The following OR11A1 variants were observed in gnomAD, a reference collection of about 807,000 sequenced individuals.
OR11A1 encodes olfactory receptor family 11 subfamily A member 1, also known as olfactory receptor 11A1.
For synonymous variants in OR11A1, 158 were observed against 152.2 expected (o/e 1.04, Z -0.28); for missense variants, 380 against 378.2 (o/e 1.00, Z -0.04).
At chr6:29,436,558 T>C (rs73398943) in intron 1 of OR11A1, among the ~76,000 whole-genome samples, 7,715 of 152,254 alleles carry the variant, frequency 0.051, 382 homozygotes, top group African/African-American at 0.12. Flanking sequence ...GACAAAAATG[T>C]GACCAAAAAC....
At chr6:29,435,726 G>C (rs544948969) in intron 1 of OR11A1, among the ~76,000 whole-genome samples, 1 of 152,148 alleles carries the variant, frequency 6.6e-6, no homozygotes, top group African/African-American at 2.4e-5. Context: ...GCTCTTTGTG[G>C]TTTCTGTTAG....
At chr6:29,444,174 T>C (rs1435438125) in intron 1 of OR11A1, among the ~76,000 whole-genome samples, 1 of 152,082 alleles carries the variant, frequency 6.6e-6, no homozygotes, top group East Asian at 1.9e-4. Flanking sequence ...TCTCACATGA[T>C]CTGATGGTTT....
At position 29,427,541 on chromosome 6, in the gene OR11A1, G is replaced by A. The variant is rs750346136; in HGVS notation, c.101C>T (p.Thr34Ile). The A allele has an allele frequency of 6.2e-7, 1 of 1,613,060 alleles. No homozygotes were observed. The change falls in exon 5 of 5, where the codon ACT becomes ATT. Residue 34 changes from threonine (T) to isoleucine (I), a missense_variant. Thr to Ile is a moderately conservative substitution (Grantham distance 89). Coordinates refer to ENST00000377149, the MANE Select transcript of OR11A1 (RefSeq NM_001394828.1). ...ELHFLFFIVF[T>I]AVYVFIIIGN... The stretch of plus-strand genomic sequence containing the variant: ...TATGATGATGAAGACATAGACAGCA[G>A]TGAATACAATAAAAAACAAGAAATG...
chr6:29,454,633 T>C (rs1785834138), intron 1 of OR11A1, among the ~76,000 whole-genome samples: 1 of 152,182 alleles, frequency 6.6e-6, no homozygotes, highest in African/African-American at 2.4e-5. Flanking sequence ...TTAAATCATA[T>C]GCCTTCAATG....
At chr6:29,444,710 G>A (rs1163717581) in intron 1 of OR11A1, among the ~76,000 whole-genome samples, 1 of 152,146 alleles carries the variant, frequency 6.6e-6, no homozygotes, top group Non-Finnish European at 1.5e-5. Flanking sequence ...ACAGTCATTG[G>A]TTTTCAAGAC....
At chr6:29,452,156 A>G (rs564579551) in intron 1 of OR11A1, among the ~76,000 whole-genome samples, 34 of 152,278 alleles carry the variant, frequency 2.2e-4, no homozygotes, top group African/African-American at 8.2e-4. Flanking sequence ...GAAAGTAACA[A>G]TAGACACCAG....
intron 4 of OR11A1, 120 bp from the exon 5 acceptor site, chr6:29,427,852 G>C: frequency 1.3e-6 from 1 of 753,774 alleles, no homozygotes. Flanking sequence ...ATCCTTCCCT[G>C]CCTTCCTTAA....
chr6:29,425,990 C>T lies in OR11A1; in HGVS notation c.*704G>A, dbSNP rs952029749. 6.6e-6 allele frequency: 1 copy of T among 152,084 alleles called. No individual in the cohort carries two copies. The highest frequency in any genetic ancestry group is 1.5e-5 in the Non-Finnish European group (1 of 67,992). The allele number at this position is 152,084 out of a possible 1,614,324, so 9.4% of individuals were successfully genotyped here. ...GCCCAGAAGAATAAAGAAATAGATG[C>T]TTGTTAATAGAAAAAGTTGTTCGTG... On this transcript the variant is annotated 3_prime_UTR_variant, in exon 5 of 5. Coordinates refer to ENST00000377149, the MANE Select transcript of OR11A1 (RefSeq NM_001394828.1).
chr6:29,455,593 A>T (rs1376939815), intron 1 of OR11A1, among the ~76,000 whole-genome samples: 1 of 152,156 alleles, frequency 6.6e-6, no homozygotes, highest in Non-Finnish European at 1.5e-5. Flanking sequence ...AATTGGCTTG[A>T]CCATAGTAAT....
chr6:29,456,318 C>T (rs1265240250), intron 1 of OR11A1, among the ~76,000 whole-genome samples: 1 of 150,742 alleles, frequency 6.6e-6, no homozygotes, highest in Non-Finnish European at 1.5e-5. Flanking sequence ...GTCAGGAGAT[C>T]GAGACCATGG....
In OR11A1 at chr6:29,427,053, G is replaced by A. The variant is rs1782870598; in HGVS notation, c.589C>T (p.Gln197Ter). The part of the protein sequence containing the change: ...GLACSDPRVA[Q>*]VTTLILSVFC... ...ACAGACAGAATGAGAGTTGTCACCTGAGCCACTCTGGGATCCGAGCAAGCC... is the reference window on the plus strand; with the variant it reads ...ACAGACAGAATGAGAGTTGTCACCTAAGCCACTCTGGGATCCGAGCAAGCC... The change falls in exon 5 of 5, where the codon CAG (glutamine) becomes TAG (stop). Residue 197 changes from glutamine (Q) to a stop codon, truncating the protein, a stop_gained. Coordinates refer to ENST00000377149, the MANE Select transcript of OR11A1 (RefSeq NM_001394828.1). LOFTEE classifies it low-confidence loss of function (END_TRUNC). The A allele has an allele frequency of 3.1e-6, 5 of 1,612,136 alleles. No homozygotes were observed. The highest frequency in any genetic ancestry group is 4.2e-6 in the Non-Finnish European group (5 of 1,180,004).
At chr6:29,438,455 C>T (rs1005207520) in intron 1 of OR11A1, among the ~76,000 whole-genome samples, 1 of 144,860 alleles carries the variant, frequency 6.9e-6, no homozygotes, top group Non-Finnish European at 1.5e-5. Flanking sequence ...AAATTGATTA[C>T]TGGATTATAT....
chr6:29,430,497 C>T (rs1783155979), intron 2 of OR11A1, 72 bp from the exon 3 acceptor site: 8 of 924,508 alleles, frequency 8.7e-6, no homozygotes, highest in Non-Finnish European at 1.0e-5. Context: ...TGACCACTAC[C>T]TCCCCTGGAA....
chr6:29,446,210 G>T (rs898109609), intron 1 of OR11A1, among the ~76,000 whole-genome samples: 7 of 152,050 alleles, frequency 4.6e-5, no homozygotes, highest in Non-Finnish European at 7.4e-5. Flanking sequence ...CTGGCAATCT[G>T]GTCAACTTCC....
intron 1 of OR11A1, chr6:29,439,851 A>C: frequency 1.6e-6 from 1 of 617,342 alleles, no homozygotes. Context: ...TATGGACTCC[A>C]GGCAAGGCTG....
chr6:29,431,758 A>G lies in OR11A1; in HGVS notation c.-265+106T>C, dbSNP rs1024132097. 7.4e-6 allele frequency: 4 copies of G among 541,210 alleles called. No homozygotes were observed. In the Admixed American group the frequency reaches 2.5e-4, roughly 34 times the overall value. 33.5% of individuals were successfully genotyped at this position (541,210 alleles called of 1,614,324 possible). A position where few individuals can be genotyped will look rare whatever the true frequency, so the allele number is the denominator to read the frequency against. On this transcript the variant is annotated intron_variant, in intron 2 of 4. Transcript: ENST00000377149. ...ACTTTTTGACTCTCTGGGTTAATTG[A>G]AAGTTGCTAGTGATTACAGGATAAA...
At chr6:29,452,393 A>C (rs751612738) in intron 1 of OR11A1, among the ~76,000 whole-genome samples, 2 of 152,210 alleles carry the variant, frequency 1.3e-5, no homozygotes, top group African/African-American at 2.4e-5. Context: ...TGTTCAAAAA[A>C]TGTTGGCAAA....
intron 1 of OR11A1, chr6:29,439,912 C>A: frequency 2.5e-6 from 2 of 815,046 alleles, no homozygotes; most frequent in Non-Finnish European, 4.0e-6. Context: ...TCTAGTGCTG[C>A]GATCAGATGC....
chr6:29,432,100 T>C, intron 1 of OR11A1, 113 bp from the exon 2 acceptor site: 1 of 701,164 alleles, frequency 1.4e-6, no homozygotes, highest in Non-Finnish European at 1.8e-6. Flanking sequence ...TATTCTGTCC[T>C]TTCATCGCAG....
Sources: allele counts gnomAD v4.1 joint callset (sites outside exome capture counted in the v4.1 genomes callset), GRCh38; gene constraint gnomAD v4.1.1; transcripts MANE v1.5; gene names NCBI Gene and HGNC (gene_info 2026-07-23, HGNC 2026-07-21).